Variants in PDE10A observed in about 807,000 individuals in gnomAD.
PDE10A encodes the protein cAMP and cAMP-inhibited cGMP 3',5'-cyclic phosphodiesterase 10A.
In PDE10A, 39 loss-of-function variants were observed where a neutral mutation model predicts 97.7. The observed-to-expected ratio is 0.40, with a 90% CI of 0.31 to 0.52. PDE10A has a LOEUF of 0.52. Ranked by LOEUF, PDE10A falls within the 20% of genes least tolerant of loss-of-function variation. The probability of loss-of-function intolerance (pLI) is 0.56; values close to 1 mark genes in which losing one functional copy is unlikely to be tolerated. For synonymous variants in PDE10A, 371 were observed against 376.8 expected, an observed-to-expected ratio of 0.98 and a Z score of 0.18; for missense variants, 731 against 1,047.8, an observed-to-expected ratio of 0.70 and a Z score of 4.17.
intron 1 of PDE10A, among the ~76,000 whole-genome samples, chr6:165,971,612 C>T (rs1003594449): frequency 2.6e-5 from 4 of 152,086 alleles, no homozygotes; most frequent in African/African-American, 9.7e-5. Context: ...AATTAAGAAC[C>T]AAGTTTTACG....
chr6:165,972,910 C>T (rs1784729977), intron 1 of PDE10A, among the ~76,000 whole-genome samples: 1 of 152,070 alleles, frequency 6.6e-6, no homozygotes, highest in Non-Finnish European at 1.5e-5. Flanking sequence ...ATACACAAGT[C>T]CCTGTACAAC....
At chr6:165,389,615 TCTACTTGATAGTC>T (rs1785543582) in intron 16 of PDE10A, among the ~76,000 whole-genome samples, 3 of 151,992 alleles carry the variant, frequency 2.0e-5, no homozygotes, top group African/African-American at 7.2e-5. Context: ...GGCGAAGGAG[TCTACTTGATAGTC>T]AAGTGGAGAT....
chr6:165,612,816 T>C (rs73786666), intron 1 of PDE10A, among the ~76,000 whole-genome samples: 1,754 of 152,290 alleles, frequency 0.012, 31 homozygotes, highest in African/African-American at 0.04. Context: ...TCACCACATA[T>C]CTTTCTTGAG....
chr6:165,761,147 C>T (rs1554317716), intron 1 of PDE10A, among the ~76,000 whole-genome samples: 1 of 152,158 alleles, frequency 6.6e-6, no homozygotes, highest in Non-Finnish European at 1.5e-5. Flanking sequence ...TGTTGGGAGT[C>T]ACTGTTTCTC....
At chr6:165,891,803 A>C (rs1410672227) in intron 1 of PDE10A, among the ~76,000 whole-genome samples, 2 of 152,164 alleles carry the variant, frequency 1.3e-5, no homozygotes, top group East Asian at 3.8e-4. Flanking sequence ...ACATAGCTGA[A>C]ACAGTAGTTA....
chr6:165,932,522 G>A (rs1479044385), intron 1 of PDE10A, among the ~76,000 whole-genome samples: 1 of 152,140 alleles, frequency 6.6e-6, no homozygotes, highest in Non-Finnish European at 1.5e-5. Flanking sequence ...TTTTAGTAAA[G>A]ACAGGGTTTC....
intron 6 of PDE10A, among the ~76,000 whole-genome samples, chr6:165,433,426 G>T (rs1305194506): frequency 2.6e-5 from 4 of 152,118 alleles, no homozygotes; most frequent in African/African-American, 9.7e-5. Context: ...ATAAATGCTG[G>T]CACTTATTCA....
chr6:165,625,096 G>C (rs374643718), intron 1 of PDE10A, among the ~76,000 whole-genome samples: 1 of 149,930 alleles, frequency 6.7e-6, no homozygotes, highest in Non-Finnish European at 1.5e-5. Context: ...CTGGAGAGAC[G>C]GCCGAGTGGC....
intron 18 of PDE10A, among the ~76,000 whole-genome samples, chr6:165,362,997 T>G (rs1191662664): frequency 6.6e-6 from 1 of 151,652 alleles, no homozygotes; most frequent in African/African-American, 2.4e-5. Flanking sequence ...ATAAAGCATA[T>G]GACAAAATCC....
intron 1 of PDE10A, among the ~76,000 whole-genome samples, chr6:165,598,211 G>A (rs181748929): frequency 9.8e-5 from 15 of 152,300 alleles, no homozygotes; most frequent in Admixed American, 5.9e-4. Context: ...GAGAATGGTG[G>A]AAATTATTGT....
At chr6:165,839,908 A>ATTCATCCCCT (rs1562762597) in intron 1 of PDE10A, among the ~76,000 whole-genome samples, 2 of 11,680 alleles carry the variant, frequency 1.7e-4, no homozygotes, top group Admixed American at 1.1e-3. Flanking sequence ...CCCATCTCCA[A>ATTCATCCCCT]CTCCATCCCC....
At chr6:165,498,423 C>CAAAAAAAAAGAAAAAA (rs1780668456) in intron 2 of PDE10A, among the ~76,000 whole-genome samples, 1 of 22,866 alleles carries the variant, frequency 4.4e-5, no homozygotes, top group Non-Finnish European at 9.1e-5. Flanking sequence ...ACCCTGTCTC[C>CAAAAAAAAAGAAAAAA]AAAAAAAAAA....
intron 1 of PDE10A, among the ~76,000 whole-genome samples, chr6:165,943,262 G>C (rs1230410681): frequency 1.3e-5 from 1 of 79,580 alleles, no homozygotes; most frequent in Non-Finnish European, 2.3e-5. Flanking sequence ...AAGGAAGGAA[G>C]GAAGGAAGGA....
chr6:165,693,622 C>A (rs76489458), intron 1 of PDE10A, among the ~76,000 whole-genome samples: 2,332 of 150,140 alleles, frequency 0.016, 60 homozygotes, highest in African/African-American at 0.055. Flanking sequence ...CATCATGATG[C>A]TTTCTACACT....
intron 1 of PDE10A, among the ~76,000 whole-genome samples, chr6:165,557,990 G>A (rs1225883663): frequency 6.6e-6 from 1 of 152,150 alleles, no homozygotes; most frequent in Non-Finnish European, 1.5e-5. Flanking sequence ...CTATGAATCA[G>A]ACATATCTTG....
chr6:165,588,106 G>A (rs551068512), intron 1 of PDE10A, among the ~76,000 whole-genome samples: 6 of 151,886 alleles, frequency 4.0e-5, no homozygotes, highest in Admixed American at 2.0e-4. Flanking sequence ...GGTAAATACC[G>A]CTCTAAAAAA....
Position 165,393,286 on chromosome 6 carries a change from A to G in PDE10A, c.2304-490T>C, listed in dbSNP as rs1785862856. Among the ~76,000 whole-genome samples the G allele has an allele frequency of 2.0e-5, 3 of 152,172 alleles. 1 individual carries two copies. The South Asian group carries it at 6.2e-4, about 31-fold the overall frequency. On this transcript the variant is annotated intron_variant, in intron 15 of 21. Transcript: ENST00000539869. ...ACTTTCAAAGTAATTCCAAAGTATT[A>G]AGGTTTATTACACACTCAAATTATT... is the stretch of plus-strand genomic sequence containing the variant.
chr6:165,517,722 G>A (rs1382862142), intron 2 of PDE10A, among the ~76,000 whole-genome samples: 1 of 152,198 alleles, frequency 6.6e-6, no homozygotes, highest in African/African-American at 2.4e-5. Flanking sequence ...AGGACGGGGT[G>A]AATGGAGGGC....
intron 18 of PDE10A, among the ~76,000 whole-genome samples, chr6:165,369,943 G>T (rs1784106693): frequency 6.6e-6 from 1 of 151,954 alleles, no homozygotes; most frequent in African/African-American, 2.4e-5. Context: ...TAAAAGAAAA[G>T]AATTTTCAAC....
Sources: gnomAD v4.1 joint callset for allele counts (sites outside exome capture counted in the v4.1 genomes callset) on GRCh38, gnomAD v4.1.1 for gene constraint, MANE v1.5 for transcripts, NCBI Gene and HGNC (gene_info 2026-07-23, HGNC 2026-07-21) for gene names.